SND1: variants seen among roughly 807,000 people sequenced by gnomAD.
The protein encoded by SND1 is staphylococcal nuclease domain-containing protein 1.
In SND1, 38 loss-of-function variants were observed where a neutral mutation model predicts 121.7. The observed-to-expected ratio is 0.31, with a 90% CI of 0.24 to 0.41. SND1 has a LOEUF of 0.41. Among genes scored for constraint, SND1 ranks in the 10% least tolerant of loss-of-function variants. SND1 has a pLI of 1.00. For synonymous variants in SND1, 401 were observed against 447.4 expected, an observed-to-expected ratio of 0.90 and a Z score of 1.31; for missense variants, 868 against 1,184.6, an observed-to-expected ratio of 0.73 and a Z score of 3.92.
At chr7:127,901,470 G>A (rs938721739) in intron 13 of SND1, among the ~76,000 whole-genome samples, 1 of 152,108 alleles carries the variant, frequency 6.6e-6, no homozygotes, top group Non-Finnish European at 1.5e-5. Flanking sequence ...ACTCAGCATC[G>A]TTCCTGCAGC....
chr7:127,782,330 G>C (rs1413127878), intron 10 of SND1, among the ~76,000 whole-genome samples: 1 of 152,202 alleles, frequency 6.6e-6, no homozygotes, highest in Non-Finnish European at 1.5e-5. Flanking sequence ...ATATGTGCAT[G>C]AGTTTGAAAA....
At chr7:127,823,704 C>T (rs1410450416) in intron 11 of SND1, among the ~76,000 whole-genome samples, 4 of 152,088 alleles carry the variant, frequency 2.6e-5, no homozygotes, top group Non-Finnish European at 5.9e-5. Flanking sequence ...TCGAGCTCTG[C>T]AAATGAACGC....
At chr7:127,909,685 G>C (rs1407905969) in intron 14 of SND1, among the ~76,000 whole-genome samples, 1 of 152,062 alleles carries the variant, frequency 6.6e-6, no homozygotes, top group Non-Finnish European at 1.5e-5. Flanking sequence ...TCCCACTTTG[G>C]CCTCCCAAAG....
intron 15 of SND1, among the ~76,000 whole-genome samples, chr7:127,932,924 G>A (rs77999825): frequency 0.022 from 3,282 of 152,248 alleles, 48 homozygotes; most frequent in Non-Finnish European, 0.033. Flanking sequence ...CAGTGGTCTG[G>A]AACTAAACTT....
At chr7:127,694,039 C>T (rs540994567) in intron 2 of SND1, among the ~76,000 whole-genome samples, 6 of 152,184 alleles carry the variant, frequency 3.9e-5, no homozygotes, top group African/African-American at 7.2e-5. Context: ...GTGCATGGAA[C>T]GGTGAGAGGA....
intron 13 of SND1, among the ~76,000 whole-genome samples, chr7:127,896,917 A>G (rs1184098300): frequency 6.6e-6 from 1 of 152,074 alleles, no homozygotes; most frequent in African/African-American, 2.4e-5. Flanking sequence ...CTGAGTCTCT[A>G]TTAGGCATAT....
At chr7:127,809,378 G>A (rs1480648590) in intron 11 of SND1, among the ~76,000 whole-genome samples, 3 of 152,098 alleles carry the variant, frequency 2.0e-5, no homozygotes, top group African/African-American at 7.2e-5. Flanking sequence ...AGCTCTGCTG[G>A]GCTGGAACAT....
At chr7:127,676,443 G>A (rs1795617329) in intron 1 of SND1, among the ~76,000 whole-genome samples, 1 of 152,164 alleles carries the variant, frequency 6.6e-6, no homozygotes, top group South Asian at 2.1e-4. Context: ...TTTCACTTGA[G>A]TTTGCGTTCA....
intron 15 of SND1, among the ~76,000 whole-genome samples, chr7:127,957,036 G>A (rs1053820777): frequency 6.6e-5 from 10 of 152,206 alleles, no homozygotes; most frequent in South Asian, 2.1e-4. Flanking sequence ...TTGAGAGGCC[G>A]TCTGAGAAAC....
chr7:127,725,358 T>A (rs1294552713), intron 10 of SND1, among the ~76,000 whole-genome samples: 1 of 152,208 alleles, frequency 6.6e-6, no homozygotes. Context: ...CCTGTCAGCA[T>A]CATGCCAGGG....
chr7:128,018,224 C>G (rs1337847445), intron 16 of SND1, among the ~76,000 whole-genome samples: 1 of 152,230 alleles, frequency 6.6e-6, no homozygotes, highest in Non-Finnish European at 1.5e-5. Flanking sequence ...ACCCAGTCAT[C>G]TTTTAAGTAC....
intron 12 of SND1, among the ~76,000 whole-genome samples, chr7:127,870,828 TAATA>T (rs1399765494): frequency 6.6e-6 from 1 of 152,180 alleles, no homozygotes; most frequent in Non-Finnish European, 1.5e-5. Flanking sequence ...TCATTTTCAA[TAATA>T]AATTAACCTT....
intron 11 of SND1, among the ~76,000 whole-genome samples, chr7:127,815,532 G>GGAGGAGGAC (rs1200357639): frequency 6.6e-6 from 1 of 152,056 alleles, no homozygotes; most frequent in Non-Finnish European, 1.5e-5. Context: ...AAGAGAAGGA[G>GGAGGAGGAC]GAGGAGGACG....
At chr7:127,767,844 A>G (rs1461268293) in intron 10 of SND1, among the ~76,000 whole-genome samples, 4 of 152,220 alleles carry the variant, frequency 2.6e-5, no homozygotes, top group East Asian at 3.8e-4. Context: ...AGAGCCAGAC[A>G]TATATGGTAT....
chr7:127,948,069 A>G (rs939377366), intron 15 of SND1, among the ~76,000 whole-genome samples: 1 of 152,234 alleles, frequency 6.6e-6, no homozygotes, highest in African/African-American at 2.4e-5. Context: ...GGGGAATAAA[A>G]TAGGCGAAAC....
At chr7:127,870,741 C>T (rs2116699214) in intron 12 of SND1, among the ~76,000 whole-genome samples, 1 of 152,174 alleles carries the variant, frequency 6.6e-6, no homozygotes, top group South Asian at 2.1e-4. Flanking sequence ...ATGTGAAAGC[C>T]TAGGATGTTA....
intron 8 of SND1, among the ~76,000 whole-genome samples, chr7:127,705,421 TC>T (rs1478619894): frequency 6.6e-6 from 1 of 152,248 alleles, no homozygotes; most frequent in African/African-American, 2.4e-5. Flanking sequence ...AAAGTGTGTT[TC>T]AGTTATAAAC....
chr7:127,703,045 T>G, intron 6 of SND1, 120 bp from the exon 7 acceptor site: 1 of 1,076,828 alleles, frequency 9.3e-7, no homozygotes, highest in East Asian at 2.4e-5. Flanking sequence ...AGGACTGATT[T>G]AAGACCTTCC....
intron 22 of SND1, among the ~76,000 whole-genome samples, chr7:128,091,006 T>C (rs1159660192): frequency 6.6e-6 from 1 of 152,194 alleles, no homozygotes; most frequent in Non-Finnish European, 1.5e-5. Flanking sequence ...TATTTATTCA[T>C]TCTATCAGCA....
Sources: allele counts gnomAD v4.1 joint callset (sites outside exome capture counted in the v4.1 genomes callset), GRCh38; gene constraint gnomAD v4.1.1; transcripts MANE v1.5; gene names NCBI Gene and HGNC (gene_info 2026-07-23, HGNC 2026-07-21).